LIN7B: variants seen among roughly 807,000 people sequenced by gnomAD.
LIN7B encodes the protein protein lin-7 homolog B.
In LIN7B, 16 loss-of-function variants were observed where a neutral mutation model predicts 27.9. The ratio of observed to expected loss-of-function variants is 0.57; its 90% confidence interval spans 0.39 to 0.87. LIN7B has a LOEUF of 0.87. LIN7B is among the 40% of genes least tolerant of loss of function. The pLI, the probability that LIN7B is intolerant of heterozygous loss-of-function variation, is 0.00. For missense variants in LIN7B, 291 were observed against 288.5 expected (o/e 1.01, Z -0.06); for synonymous variants, 147 against 120.8 (o/e 1.22, Z -1.42).
At chr19:49,117,296 A>AT (rs1221172822) in intron 4 of LIN7B, among the ~76,000 whole-genome samples, 1 of 151,178 alleles carries the variant, frequency 6.6e-6, no homozygotes, top group East Asian at 1.9e-4. Flanking sequence ...TGAGGGAAGC[A>AT]TAACTGGAGA....
At position 49,114,458 on chromosome 19, in the gene LIN7B, G is replaced by T; in HGVS notation, c.37+17G>T. 1 of 1,208,250 alleles carries T rather than the reference G, an allele frequency of 8.3e-7. No individual in the cohort carries two copies. 74.8% of individuals were successfully genotyped at this position (1,208,250 alleles called of 1,614,324 possible). A position where few individuals can be genotyped will look rare whatever the true frequency, so the allele number is the denominator to read the frequency against. ...TGGAGCGGGGTAAGCGTGCGCCAGGGGGCCCTGCCCACCCGGGCCGCGGCC... is the reference window on the plus strand; with the variant it reads ...TGGAGCGGGGTAAGCGTGCGCCAGGTGGCCCTGCCCACCCGGGCCGCGGCC... On this transcript the variant is annotated intron_variant, in intron 1 of 5. Coordinates refer to ENST00000221459, the MANE Select transcript of LIN7B (RefSeq NM_022165.3).
chr19:49,118,305 A>G, intron 5 of LIN7B, 47 bp from the exon 6 acceptor site: 2 of 1,610,072 alleles, frequency 1.2e-6, no homozygotes, highest in Non-Finnish European at 1.7e-6. Context: ...CCTCTTGTCT[A>G]CCCGGAGCCT....
Position 49,116,524 on chromosome 19 carries a change from A to G in LIN7B, c.438+52A>G, listed in dbSNP as rs749509123. On this transcript the variant is annotated intron_variant, in intron 4 of 5. Coordinates refer to ENST00000221459, the MANE Select transcript of LIN7B (RefSeq NM_022165.3). ...GGGGACACAGTCTGTCTAACGTAGC[A>G]TAGCCCCTGCTTTTGACATTCACTC... The G allele has an allele frequency of 1.7e-5, 26 of 1,504,970 alleles. No homozygotes were observed. In the Middle Eastern group the frequency reaches 5.6e-4, roughly 33 times the overall value. 93.2% of individuals were successfully genotyped at this position (1,504,970 alleles called of 1,614,324 possible). A position where few individuals can be genotyped will look rare whatever the true frequency, so the allele number is the denominator to read the frequency against.
chr19:49,115,026 CCTG>C, intron 2 of LIN7B, 59 bp downstream of exon 2: 8 of 1,138,110 alleles, frequency 7.0e-6, no homozygotes, highest in Non-Finnish European at 9.4e-6. Context: ...TCCTCCTCCT[CCTG>C]CTTGTCCCGA....
chr19:49,115,416 TCCTC>T, intron 3 of LIN7B, 85 bp downstream of exon 3: 1 of 1,213,804 alleles, frequency 8.2e-7, no homozygotes, highest in Non-Finnish European at 1.1e-6. Context: ...CATTTCTGTT[TCCTC>T]CCTCATGATT....
rs1447102210 is a variant in LIN7B at position 49,117,825 on chromosome 19, AGGCTCAGCTGTCTGTGTTG to A, written c.439-26_439-8del. The A allele has an allele frequency of 7.5e-6, 12 of 1,600,466 alleles. No homozygotes were observed. Among genetic ancestry groups the A allele is most frequent in the Non-Finnish European group, 1.0e-5 (12 of 1,168,570 alleles). On this transcript the variant is annotated splice_polypyrimidine_tract_variant and intron_variant, in intron 4 of 5. Coordinates refer to ENST00000221459, the MANE Select transcript of LIN7B (RefSeq NM_022165.3). ...GGGCTGGACGAGGGCAGCGGGCCCC[AGGCTCAGCTGTCTGTGTTG>A]GGCCCTGCAGAGCGTTGAGGGTGAG...
chr19:49,114,402 G>T lies in LIN7B; in HGVS notation c.-3G>T. ...GCGGGCGGCTGGCAGCTGTGGCGCC[G>T]ACATGGCTGCGCTGGTGGAGCCGCT... On this transcript the variant is annotated 5_prime_UTR_variant, in exon 1 of 6. Coordinates refer to ENST00000221459, the MANE Select transcript of LIN7B (RefSeq NM_022165.3). The T allele has an allele frequency of 8.3e-7, 1 of 1,200,988 alleles. No homozygotes were observed. Among genetic ancestry groups the T allele is most frequent in the African/African-American group, 1.6e-5 (1 of 63,234 alleles). The allele number at this position is 1,200,988 out of a possible 1,614,324, so 74.4% of individuals were successfully genotyped here.
rs1156953790 is a variant in LIN7B at position 49,115,295 on chromosome 19, C to A, written c.192C>A (p.Thr64=). The change falls in exon 3 of 6, where the codon ACC becomes ACA. Residue 64 remains threonine (T), a synonymous_variant. Coordinates refer to ENST00000221459, the MANE Select transcript of LIN7B (RefSeq NM_022165.3). ...YEQLYDTLDI[T]GSAEIRAHAT... Reference sequence around the variant, plus strand: ...AGCTTTATGACACGCTGGACATCACCGGCAGCGCCGAGATCCGAGCCCATG... The same window carrying A: ...AGCTTTATGACACGCTGGACATCACAGGCAGCGCCGAGATCCGAGCCCATG... 6.4e-7 allele frequency: 1 copy of A among 1,567,822 alleles called. No individual in the cohort carries two copies. Among genetic ancestry groups the A allele is most frequent in the African/African-American group, 1.4e-5 (1 of 73,958 alleles).
At chr19:49,115,054 C>A in intron 2 of LIN7B, 87 bp downstream of exon 2, 1 of 1,008,776 alleles carries the variant, frequency 9.9e-7, no homozygotes, top group South Asian at 1.9e-5. Context: ...GGAGACTACG[C>A]CTCCCGGCAG....
At chr19:49,115,621 T>G (rs766767241) in intron 3 of LIN7B, 68 of 294,688 alleles carry the variant, frequency 2.3e-4, no homozygotes, top group Non-Finnish European at 4.0e-4. Context: ...GCACAATAGT[T>G]AGATGCTGCT....
At chr19:49,114,580 G>T in intron 1 of LIN7B, 139 bp downstream of exon 1, 2 of 652,252 alleles carry the variant, frequency 3.1e-6, no homozygotes, top group Non-Finnish European at 4.3e-6. Context: ...CGCCGGGGCC[G>T]GGCGGTCGCT....
In LIN7B at chr19:49,118,344, C is replaced by T. The variant is rs202207462; in HGVS notation, c.603-8C>T. 19 of 1,614,088 alleles carry T rather than the reference C, an allele frequency of 1.2e-5. No homozygotes were observed. Among genetic ancestry groups the T allele is most frequent in the South Asian group, 1.1e-4 (10 of 91,090 alleles). ...TGATCCCGGGTCCCTTGTCCACCCCCCTTGCAGGTCCTTGGAGTCTCGAGG... is the reference window on the plus strand; with the variant it reads ...TGATCCCGGGTCCCTTGTCCACCCCTCTTGCAGGTCCTTGGAGTCTCGAGG... On this transcript the variant is annotated splice_region_variant and splice_polypyrimidine_tract_variant and intron_variant, in intron 5 of 5. Transcript: ENST00000221459.
intron 5 of LIN7B, 32 bp from the exon 6 acceptor site, chr19:49,118,320 G>C (rs2040870586): frequency 6.2e-7 from 1 of 1,613,786 alleles, no homozygotes; most frequent in East Asian, 2.2e-5. Context: ...GAGCCTCCCT[G>C]ATCCCGGGTC....
intron 3 of LIN7B, 76 bp from the exon 4 acceptor site, chr19:49,116,187 C>G (rs774999303): frequency 7.6e-7 from 1 of 1,316,870 alleles, no homozygotes; most frequent in East Asian, 2.4e-5. Context: ...TCGCTGTCCT[C>G]GGTCCACATC....
At chr19:49,114,587 C>A (rs1167456903) in intron 1 of LIN7B, 146 bp downstream of exon 1, 2 of 603,136 alleles carry the variant, frequency 3.3e-6, no homozygotes, top group Non-Finnish European at 4.8e-6. Flanking sequence ...GCCGGGCGGT[C>A]GCTAGGTGTG....
chr19:49,116,490 G>C lies in LIN7B; in HGVS notation c.438+18G>C, dbSNP rs201230479. On this transcript the variant is annotated intron_variant, in intron 4 of 5. Coordinates refer to ENST00000221459, the MANE Select transcript of LIN7B (RefSeq NM_022165.3). ...ACGGTGTGGTGAGTGGAGGGCTGAG[G>C]CAGGACTGGGGGACACAGTCTGTCT... The C allele has an allele frequency of 3.5e-5, 57 of 1,607,540 alleles. 1 individual carries two copies. The East Asian group carries it at 1.3e-3, about 35-fold the overall frequency.
At chr19:49,118,251 A>T in intron 5 of LIN7B, 101 bp from the exon 6 acceptor site, 2 of 1,419,328 alleles carry the variant, frequency 1.4e-6, no homozygotes, top group South Asian at 2.3e-5. Context: ...GGGATCCCTC[A>T]GCCCACTTAC....
At chr19:49,117,102 C>G (rs189501449) in intron 4 of LIN7B, among the ~76,000 whole-genome samples, 19 of 151,974 alleles carry the variant, frequency 1.3e-4, no homozygotes, top group Admixed American at 9.8e-4. Flanking sequence ...AAAAATTAGC[C>G]AGGTGTGGTG....
At chr19:49,114,685 T>C (rs2122449340) in intron 1 of LIN7B, 164 bp from the exon 2 acceptor site, 1 of 445,760 alleles carries the variant, frequency 2.2e-6, no homozygotes, top group East Asian at 3.5e-5. Flanking sequence ...GGGCCGCTGG[T>C]GGCAGTCTCT....
Sources: allele counts gnomAD v4.1 joint callset (sites outside exome capture counted in the v4.1 genomes callset), GRCh38; gene constraint gnomAD v4.1.1; transcripts MANE v1.5; gene names NCBI Gene and HGNC (gene_info 2026-07-23, HGNC 2026-07-21).